Variants in TRPM3 observed in about 807,000 individuals in gnomAD.
TRPM3 encodes transient receptor potential cation channel subfamily M member 3.
Under a neutral mutation model 181.2 loss-of-function variants are expected in TRPM3, and 77 were observed. That is an observed-to-expected ratio of 0.42 (90% confidence interval 0.35 to 0.51). The LOEUF (loss-of-function observed/expected upper bound fraction) is 0.51. Ranked by LOEUF, TRPM3 falls within the 20% of genes least tolerant of loss-of-function variation. TRPM3 has a pLI of 0.01. For synonymous variants in TRPM3, 745 were observed against 796.4 expected, an observed-to-expected ratio of 0.94 and a Z score of 1.09; for missense variants, 1,759 against 2,196.7, an observed-to-expected ratio of 0.80 and a Z score of 3.98.
chr9:70,620,272 G>A lies in TRPM3; in HGVS notation c.1933C>T (p.Pro645Ser). 6.2e-7 allele frequency: 1 copy of A among 1,614,220 alleles called. No homozygotes were observed. The highest frequency in any genetic ancestry group is 8.5e-7 in the Non-Finnish European group (1 of 1,180,034). ...ACCATGAGCTCATGGAAAGGGAAGG[G>A]GAAGTGGTTGATCTCAGGATCATCC... ...DLDDPEINHF[P>S]FPFHELMVWA... Residue 645 changes from proline (P) to serine (S), a missense_variant, in exon 16 of 26, where the codon CCC (proline) becomes TCC (serine). Coordinates refer to ENST00000677713, the MANE Select transcript of TRPM3 (RefSeq NM_001366145.2).
chr9:71,067,858 T>C (rs1303890484), intron 1 of TRPM3, among the ~76,000 whole-genome samples: 1 of 152,194 alleles, frequency 6.6e-6, no homozygotes. Context: ...TGCCACTAAT[T>C]ATAATGTAAC....
chr9:70,807,693 C>T (rs551614603), intron 6 of TRPM3, among the ~76,000 whole-genome samples: 1 of 152,242 alleles, frequency 6.6e-6, no homozygotes, highest in African/African-American at 2.4e-5. Context: ...TCACAATCTA[C>T]AGAAGATGAG....
chr9:71,249,947 C>G (rs2082247012), intron 1 of TRPM3, among the ~76,000 whole-genome samples: 1 of 152,146 alleles, frequency 6.6e-6, no homozygotes, highest in African/African-American at 2.4e-5. Flanking sequence ...ATCTGGTGGT[C>G]AATTGTGAGA....
chr9:70,661,121 G>A (rs532324911), intron 9 of TRPM3, among the ~76,000 whole-genome samples: 1 of 136,332 alleles, frequency 7.3e-6, no homozygotes, highest in Non-Finnish European at 1.6e-5. Context: ...ATGCAGGAAT[G>A]GTTTAACATA....
intron 22 of TRPM3, among the ~76,000 whole-genome samples, chr9:70,554,600 A>G (rs1328617625): frequency 6.6e-6 from 1 of 152,162 alleles, no homozygotes; most frequent in African/African-American, 2.4e-5. Context: ...CAATTGAATC[A>G]GAATCCCTGA....
chr9:71,403,785 A>G (rs74368035), intron 1 of TRPM3, among the ~76,000 whole-genome samples: 6,769 of 151,410 alleles, frequency 0.045, 186 homozygotes, highest in Non-Finnish European at 0.071. Flanking sequence ...AGTCTTCAGG[A>G]GACACCATCA....
At chr9:71,155,536 G>A (rs1033039250) in intron 1 of TRPM3, among the ~76,000 whole-genome samples, 4 of 45,672 alleles carry the variant, frequency 8.8e-5, no homozygotes, top group Admixed American at 2.6e-4. Flanking sequence ...TGCATAATTA[G>A]TAGAGATGGG....
intron 3 of TRPM3, among the ~76,000 whole-genome samples, chr9:70,848,448 G>A (rs1371247432): frequency 2.0e-5 from 3 of 152,110 alleles, no homozygotes; most frequent in Admixed American, 6.5e-5. Flanking sequence ...AGTATTCCTC[G>A]GAATTATAGA....
chr9:71,228,481 C>T (rs894791625), intron 1 of TRPM3, among the ~76,000 whole-genome samples: 72 of 151,928 alleles, frequency 4.7e-4, no homozygotes, highest in African/African-American at 1.7e-3. Flanking sequence ...CTAGAGCAAT[C>T]AGACAAGAGA....
chr9:70,826,108 T>C (rs2093540855), intron 6 of TRPM3: 1 of 152,282 alleles, frequency 6.6e-6, no homozygotes, highest in Admixed American at 6.5e-5. Flanking sequence ...CTTGCTCTTA[T>C]CCTCTTCAGC....
chr9:70,805,145 G>A (rs1470872873), intron 6 of TRPM3, among the ~76,000 whole-genome samples: 2 of 146,758 alleles, frequency 1.4e-5, no homozygotes, highest in Non-Finnish European at 3.0e-5. Flanking sequence ...CTGTAAGCAC[G>A]AGAGAAGGAG....
At chr9:70,657,164 A>G (rs1333128179) in intron 9 of TRPM3, among the ~76,000 whole-genome samples, 1 of 150,494 alleles carries the variant, frequency 6.6e-6, no homozygotes, top group Non-Finnish European at 1.5e-5. Flanking sequence ...TTAAAGGGAA[A>G]TTATAATGGT....
In TRPM3 at chr9:71,301,071, A is replaced by G. The variant is rs182333643; in HGVS notation, c.183+145582T>C. Among the ~76,000 whole-genome samples the G allele has an allele frequency of 1.3e-4, 19 of 151,554 alleles. No individual in the cohort carries two copies. The East Asian group carries it at 3.7e-3, about 29-fold the overall frequency. On this transcript the variant is annotated intron_variant, in intron 1 of 24. Transcript: ENST00000357533. ...TATGTATAGGGTACTTCCTATGTCT[A>G]TGCCATTTAAAAGCATAAGAAGAAA...
chr9:70,600,928 G>C (rs1239058084), intron 20 of TRPM3, among the ~76,000 whole-genome samples: 3 of 152,110 alleles, frequency 2.0e-5, no homozygotes, highest in Admixed American at 6.5e-5. Context: ...AAAGAGATGA[G>C]AGCAGAACAG....
intron 1 of TRPM3, among the ~76,000 whole-genome samples, chr9:71,397,152 T>C (rs1284435066): frequency 6.6e-6 from 1 of 152,148 alleles, no homozygotes; most frequent in African/African-American, 2.4e-5. Context: ...AATAAAACCA[T>C]GGTTTTCCAA....
At chr9:71,288,685 G>A (rs1042893188) in intron 1 of TRPM3, among the ~76,000 whole-genome samples, 1 of 152,092 alleles carries the variant, frequency 6.6e-6, no homozygotes, top group South Asian at 2.1e-4. Flanking sequence ...ACACAGAGAG[G>A]TACACAGCAC....
intron 1 of TRPM3, among the ~76,000 whole-genome samples, chr9:71,114,273 A>G (rs2071791452): frequency 6.6e-6 from 1 of 152,116 alleles, no homozygotes; most frequent in African/African-American, 2.4e-5. Flanking sequence ...AGAAGAACCA[A>G]TAGTTAGATC....
chr9:70,970,503 G>C (rs1337023), intron 1 of TRPM3, among the ~76,000 whole-genome samples: 31,603 of 152,026 alleles, frequency 0.21, 3,394 homozygotes, highest in South Asian at 0.23. Context: ...CTTCCGTGGG[G>C]AGTAGCTATT....
At chr9:71,133,968 T>TG (rs112421573) in intron 1 of TRPM3, among the ~76,000 whole-genome samples, 1 of 82,692 alleles carries the variant, frequency 1.2e-5, no homozygotes, top group African/African-American at 4.7e-5. Flanking sequence ...CTAAACTGTG[T>TG]GTGTTTGTGT....
Sources: gnomAD v4.1 joint callset for allele counts (sites outside exome capture counted in the v4.1 genomes callset) on GRCh38, gnomAD v4.1.1 for gene constraint, MANE v1.5 for transcripts, NCBI Gene and HGNC (gene_info 2026-07-23, HGNC 2026-07-21) for gene names.